The following MCTP2 variants were observed in gnomAD, a reference collection of about 807,000 sequenced individuals.
MCTP2 encodes the protein multiple C2 and transmembrane domain containing 2, also known as multiple C2 and transmembrane domain-containing protein 2.
Under a neutral mutation model 111.6 loss-of-function variants are expected in MCTP2, and 132 were observed. That is an observed-to-expected ratio of 1.18 (90% CI 1.03 to 1.37). MCTP2 has a LOEUF of 1.37. Among genes scored for constraint, MCTP2 ranks in the 40% most tolerant of loss-of-function variants. The pLI, the probability that MCTP2 is intolerant of heterozygous loss-of-function variation, is 0.00. For synonymous variants in MCTP2, 395 were observed against 387.7 expected (o/e 1.02, Z -0.22); for missense variants, 1,183 against 1,067.9 (o/e 1.11, Z -1.50).
At chr15:94,312,350 C>T (rs193205130) in intron 2 of MCTP2, among the ~76,000 whole-genome samples, 11 of 152,270 alleles carry the variant, frequency 7.2e-5, no homozygotes, top group Non-Finnish European at 8.8e-5. Flanking sequence ...GAGTACTGCC[C>T]AACTCACCTG....
intron 8 of MCTP2, among the ~76,000 whole-genome samples, chr15:94,353,097 C>T (rs571805698): frequency 8.6e-4 from 131 of 152,290 alleles, no homozygotes; most frequent in African/African-American, 2.8e-3. Flanking sequence ...CCTGCCCTCC[C>T]TTTAGGAGGG....
At chr15:94,386,559 G>T (rs564349927) in intron 14 of MCTP2, among the ~76,000 whole-genome samples, 1 of 152,312 alleles carries the variant, frequency 6.6e-6, no homozygotes, top group African/African-American at 2.4e-5. Flanking sequence ...CCCTGGTACG[G>T]CTGGCTCCTG....
At chr15:94,291,314 A>G (rs1195595834) in intron 1 of MCTP2, among the ~76,000 whole-genome samples, 3 of 152,200 alleles carry the variant, frequency 2.0e-5, no homozygotes, top group Non-Finnish European at 2.9e-5. Context: ...AAAAATAATG[A>G]AAGTGAGGCC....
intron 17 of MCTP2, 134 bp from the exon 18 acceptor site, chr15:94,440,042 T>C: frequency 1.0e-6 from 1 of 991,946 alleles, no homozygotes; most frequent in Non-Finnish European, 1.5e-6. Context: ...TGTGTGTGCG[T>C]ACCTGTTTGG....
intron 2 of MCTP2, among the ~76,000 whole-genome samples, chr15:94,300,111 T>C (rs1184515077): frequency 2.0e-5 from 3 of 152,224 alleles, no homozygotes; most frequent in African/African-American, 7.2e-5. Context: ...TCTTTTTTTT[T>C]CCTGACCAGA....
intron 20 of MCTP2, among the ~76,000 whole-genome samples, chr15:94,468,591 T>C (rs1417696343): frequency 6.6e-6 from 1 of 152,104 alleles, no homozygotes; most frequent in Admixed American, 6.5e-5. Context: ...GACATATATA[T>C]ATAATATTTT....
intron 2 of MCTP2, among the ~76,000 whole-genome samples, chr15:94,307,452 T>C (rs1360887974): frequency 6.6e-6 from 1 of 152,086 alleles, no homozygotes; most frequent in African/African-American, 2.4e-5. Flanking sequence ...GTGTCCCTGA[T>C]GTTTCAGGAA....
At position 94,393,797 on chromosome 15, in the gene MCTP2, C is replaced by T. The variant is rs547146739; in HGVS notation, c.1789-5164C>T. 2.1e-4 allele frequency among the ~76,000 whole-genome samples: 32 copies of T among 152,142 alleles called. No homozygotes were observed. In the South Asian group the frequency reaches 6.7e-3, roughly 32 times the overall value. On this transcript the variant is annotated intron_variant, in intron 14 of 22. Transcript: ENST00000357742. Reference sequence around the variant, plus strand: ...AGTCACGGTGGCTCACACCTGTAATCCTAGCACTTTGGGAGGCCAAGGTGG... The same window carrying T: ...AGTCACGGTGGCTCACACCTGTAATTCTAGCACTTTGGGAGGCCAAGGTGG...
At chr15:94,358,655 A>C (rs761174032) in intron 10 of MCTP2, 43 bp downstream of exon 10, 3 of 1,606,956 alleles carry the variant, frequency 1.9e-6, no homozygotes, top group African/African-American at 2.7e-5. Flanking sequence ...ATGTTTCTGC[A>C]TGGGGCTGGT....
At chr15:94,294,363 A>G (rs2075165157) in intron 1 of MCTP2, among the ~76,000 whole-genome samples, 1 of 152,222 alleles carries the variant, frequency 6.6e-6, no homozygotes, top group East Asian at 1.9e-4. Flanking sequence ...AATGATTTCA[A>G]AAATAAAGTT....
chr15:94,257,569 GTTTTTTTT>G (rs760633548), intron 1 of MCTP2, among the ~76,000 whole-genome samples: 97 of 33,790 alleles, frequency 2.9e-3, no homozygotes, highest in African/African-American at 6.8e-3. Context: ...TTTCTTTGTT[GTTTTTTTT>G]TTTTTTTTTT....
At position 94,447,387 on chromosome 15, in the gene MCTP2, GTGT is replaced by G. The variant is rs1305917017; in HGVS notation, c.2250+4431_2250+4433del. 2.8e-3 allele frequency among the ~76,000 whole-genome samples: 431 copies of G among 152,296 alleles called. 1 individual carries two copies. The highest frequency in any genetic ancestry group is 9.6e-3 in the African/African-American group (397 of 41,558). On this transcript the variant is annotated intron_variant, in intron 19 of 22. Transcript: ENST00000357742. Reference sequence around the variant, plus strand: ...CTATAATTCATTTGTGTGTGTGTGTGTGTTGTGTTTGTTTGTTTGTTTTTTGAG... The same window carrying G: ...CTATAATTCATTTGTGTGTGTGTGTGTGTGTTTGTTTGTTTGTTTTTTGAG...
At chr15:94,274,700 T>A (rs374045616) in intron 1 of MCTP2, among the ~76,000 whole-genome samples, 1 of 152,120 alleles carries the variant, frequency 6.6e-6, no homozygotes, top group African/African-American at 2.4e-5. Flanking sequence ...TGAATTGATG[T>A]CTATTAAATA....
At position 94,262,039 on chromosome 15, in the gene MCTP2, C is replaced by T. The variant is rs373302825; in HGVS notation, c.-66+30375C>T. 5.8e-4 allele frequency among the ~76,000 whole-genome samples: 89 copies of T among 152,202 alleles called. 2 individuals are homozygous for T. In the South Asian group the frequency reaches 0.018, roughly 31 times the overall value. On this transcript the variant is annotated intron_variant, in intron 1 of 22. Coordinates refer to ENST00000357742, the MANE Select transcript of MCTP2 (RefSeq NM_001385001.1). ...TGGAAAACTAATGTTTTATTTCCTT[C>T]CCTTCTAATTATTGTCTTTACACAT...
chr15:94,345,120 A>G lies in MCTP2; in HGVS notation c.970-9A>G, dbSNP rs763751455. 22 of 1,612,376 alleles carry G rather than the reference A, an allele frequency of 1.4e-5. No homozygotes were observed. The highest frequency in any genetic ancestry group is 4.4e-5 in the South Asian group (4 of 91,000). On this transcript the variant is annotated splice_polypyrimidine_tract_variant and intron_variant, in intron 7 of 22. Coordinates refer to ENST00000357742, the MANE Select transcript of MCTP2 (RefSeq NM_001385001.1). ...CCATTTTCACCATTCCGCGGACACA[A>G]ATCTTTAGCGTTGGTCAAATCGGAA...
chr15:94,408,650 G>T (rs2082013859), intron 17 of MCTP2, among the ~76,000 whole-genome samples: 1 of 152,060 alleles, frequency 6.6e-6, no homozygotes, highest in South Asian at 2.1e-4. Context: ...GCATTAAAAA[G>T]ATTATCTGTT....
At chr15:94,409,629 G>A (rs149674955) in intron 17 of MCTP2, among the ~76,000 whole-genome samples, 1 of 151,970 alleles carries the variant, frequency 6.6e-6, no homozygotes, top group African/African-American at 2.4e-5. Flanking sequence ...AAAGACTCCA[G>A]AGGTCGTGTA....
intron 1 of MCTP2, among the ~76,000 whole-genome samples, chr15:94,239,967 T>C (rs1281705688): frequency 1.3e-5 from 2 of 152,198 alleles, no homozygotes; most frequent in Non-Finnish European, 2.9e-5. Flanking sequence ...AAGCCACGTG[T>C]CAGTTTCAAG....
chr15:94,308,176 T>G (rs1567380968), intron 2 of MCTP2, among the ~76,000 whole-genome samples: 1 of 152,172 alleles, frequency 6.6e-6, no homozygotes, highest in East Asian at 1.9e-4. Context: ...TAACAACCTA[T>G]AAGAATCTGT....
Sources: gnomAD v4.1 joint callset for allele counts (sites outside exome capture counted in the v4.1 genomes callset) on GRCh38, gnomAD v4.1.1 for gene constraint, MANE v1.5 for transcripts, NCBI Gene and HGNC (gene_info 2026-07-23, HGNC 2026-07-21) for gene names.